The following ZNF423 variants were observed in gnomAD, a reference collection of about 807,000 sequenced individuals.
ZNF423 encodes the protein zinc finger protein 423.
ZNF423 carries 12 observed loss-of-function variants against 95.8 expected under a neutral mutation model. The observed-to-expected ratio is 0.13, with a 90% confidence interval of 0.08 to 0.20. ZNF423 has a LOEUF of 0.20. Ranked by LOEUF, ZNF423 falls within the 10% of genes least tolerant of loss-of-function variation. The pLI is 1.00. For synonymous variants in ZNF423, 749 were observed against 711.9 expected, an observed-to-expected ratio of 1.05 and a Z score of -0.83; for missense variants, 1,316 against 1,737.1, an observed-to-expected ratio of 0.76 and a Z score of 4.31.
At chr16:49,776,813 C>A (rs138605553) in intron 2 of ZNF423, among the ~76,000 whole-genome samples, 1 of 152,114 alleles carries the variant, frequency 6.6e-6, no homozygotes, top group Non-Finnish European at 1.5e-5. Flanking sequence ...CCTGAGGGTA[C>A]GACAAAGAAA....
chr16:49,689,609 C>G (rs1861341), intron 3 of ZNF423, among the ~76,000 whole-genome samples: 92,561 of 151,936 alleles, frequency 0.61, 29,857 homozygotes, highest in Non-Finnish European at 0.71. Flanking sequence ...ATATTGCCCT[C>G]TCCCTACACT....
chr16:49,585,768 G>A (rs1970811077), intron 5 of ZNF423, among the ~76,000 whole-genome samples: 1 of 152,182 alleles, frequency 6.6e-6, no homozygotes, highest in Admixed American at 6.5e-5. Context: ...AATACAATGA[G>A]TGCTTATAAG....
At chr16:49,798,015 G>A (rs2034525797) in intron 1 of ZNF423, among the ~76,000 whole-genome samples, 1 of 152,202 alleles carries the variant, frequency 6.6e-6, no homozygotes, top group South Asian at 2.1e-4. Context: ...TTCCAGGCCA[G>A]CCAGGGCAAC....
At chr16:49,578,939 G>T (rs948555431) in intron 5 of ZNF423, among the ~76,000 whole-genome samples, 3 of 152,194 alleles carry the variant, frequency 2.0e-5, no homozygotes, top group Non-Finnish European at 4.4e-5. Context: ...GAGAGGGTGT[G>T]TGTGTTTCAG....
At chr16:49,796,365 T>C (rs1365802188) in intron 1 of ZNF423, among the ~76,000 whole-genome samples, 2 of 152,092 alleles carry the variant, frequency 1.3e-5, no homozygotes, top group African/African-American at 2.4e-5. Context: ...GGTCACTTGC[T>C]CCTGGCCTGG....
intron 2 of ZNF423, among the ~76,000 whole-genome samples, chr16:49,755,520 G>GA (rs1376960708): frequency 1.3e-5 from 2 of 152,044 alleles, no homozygotes; most frequent in Non-Finnish European, 2.9e-5. Flanking sequence ...TTTCGCTAAT[G>GA]AAAAAAACAC....
chr16:49,642,834 A>G (rs1973026757), intron 3 of ZNF423, among the ~76,000 whole-genome samples: 1 of 118,840 alleles, frequency 8.4e-6, no homozygotes, highest in Non-Finnish European at 1.7e-5. Context: ...TGGCAGGGGC[A>G]GGAGGGGAAG....
intron 2 of ZNF423, among the ~76,000 whole-genome samples, chr16:49,745,700 G>A (rs550777430): frequency 6.6e-5 from 10 of 152,308 alleles, no homozygotes; most frequent in South Asian, 2.1e-4. Flanking sequence ...AGGGAGAGAG[G>A]AGGTGGCAGG....
Position 49,635,532 on chromosome 16 carries a change from T to C in ZNF423, c.3516+128A>G, listed in dbSNP as rs1972656930. 7 of 1,234,472 alleles carry C rather than the reference T, an allele frequency of 5.7e-6. No homozygotes were observed. Among genetic ancestry groups the C allele is most frequent in the Admixed American group, 3.2e-5 (1 of 31,278 alleles). 76.5% of individuals were successfully genotyped at this position (1,234,472 alleles called of 1,614,324 possible). ...ACTCAAGGAGTCTACAGCACAGCAG[T>C]TCTGTTTTGCCACTGCGCGATAGCG... On this transcript the variant is annotated intron_variant, in intron 4 of 7. Coordinates refer to ENST00000563137, the MANE Select transcript of ZNF423 (RefSeq NM_001379286.1). The surrounding 1 kb of genome is among the most constrained non-coding windows in gnomAD (Gnocchi z 4.8).
chr16:49,848,977 G>C (rs117770352), intron 1 of ZNF423, among the ~76,000 whole-genome samples: 1 of 152,172 alleles, frequency 6.6e-6, no homozygotes, highest in Non-Finnish European at 1.5e-5. Context: ...AGGCAGGGAG[G>C]GACAGAAGAT....
At chr16:49,679,149 C>T (rs987799168) in intron 3 of ZNF423, among the ~76,000 whole-genome samples, 1 of 152,226 alleles carries the variant, frequency 6.6e-6, no homozygotes, top group Non-Finnish European at 1.5e-5. Flanking sequence ...ACTATGTTGC[C>T]CAGGTTGGTC....
chr16:49,510,315 G>A (rs1309313759), intron 7 of ZNF423, among the ~76,000 whole-genome samples: 1 of 152,148 alleles, frequency 6.6e-6, no homozygotes, highest in African/African-American at 2.4e-5. Flanking sequence ...CATGCCCAAG[G>A]TCACATTGAC....
intron 2 of ZNF423, among the ~76,000 whole-genome samples, chr16:49,765,167 G>A (rs1282926647): frequency 2.6e-5 from 4 of 152,058 alleles, no homozygotes; most frequent in Admixed American, 1.3e-4. Flanking sequence ...CCATGAGCCA[G>A]CAATGAGCCT....
chr16:49,795,519 T>C (rs2034484054), intron 1 of ZNF423, among the ~76,000 whole-genome samples: 1 of 152,196 alleles, frequency 6.6e-6, no homozygotes, highest in South Asian at 2.1e-4. Context: ...GCAATGGGAA[T>C]CATCATCGCT....
chr16:49,539,806 A>C (rs962011157), intron 5 of ZNF423, among the ~76,000 whole-genome samples: 1 of 152,124 alleles, frequency 6.6e-6, no homozygotes, highest in East Asian at 1.9e-4. Flanking sequence ...CCTAAAAAAA[A>C]AACAAAACCA....
chr16:49,822,332 C>G (rs768068657), intron 1 of ZNF423, among the ~76,000 whole-genome samples: 14 of 152,070 alleles, frequency 9.2e-5, no homozygotes, highest in Non-Finnish European at 1.5e-4. Context: ...CACCACCACG[C>G]CTGGCTAATT....
chr16:49,540,645 T>C (rs1969218862), intron 5 of ZNF423, among the ~76,000 whole-genome samples: 1 of 152,168 alleles, frequency 6.6e-6, no homozygotes, highest in Non-Finnish European at 1.5e-5. Context: ...TGCTTTCACC[T>C]CATGCTTTAA....
rs368255293 is a variant in ZNF423, at chr16:49,795,285, G to A, written c.41-5739C>T. ...GGGCAAGGCAGCCACAGACACACCT[G>A]TCCCCTCCACGCCACCACTGTCCCC... is the stretch of plus-strand genomic sequence containing the variant. On this transcript the variant is annotated intron_variant, in intron 1 of 7. Coordinates refer to ENST00000563137, the MANE Select transcript of ZNF423 (RefSeq NM_001379286.1). 3.9e-5 allele frequency among the ~76,000 whole-genome samples: 6 copies of A among 152,230 alleles called. No homozygotes were observed. The East Asian group carries it at 7.7e-4, about 20-fold the overall frequency.
intron 1 of ZNF423, among the ~76,000 whole-genome samples, chr16:49,834,817 C>T (rs1007606049): frequency 4.6e-5 from 7 of 151,940 alleles, no homozygotes; most frequent in South Asian, 2.1e-4. Context: ...GGATCAGAGC[C>T]GCCGGCTGTG....
Sources: gnomAD v4.1 joint callset for allele counts (sites outside exome capture counted in the v4.1 genomes callset) on GRCh38, gnomAD v4.1.1 for gene constraint, Gnocchi (gnomAD v3.1) non-coding constraint, MANE v1.5 for transcripts, NCBI Gene and HGNC (gene_info 2026-07-23, HGNC 2026-07-21) for gene names.